Variants in TTC21A observed in about 807,000 individuals in gnomAD.
TTC21A encodes tetratricopeptide repeat domain 21A, also known as tetratricopeptide repeat protein 21A.
TTC21A carries 128 observed loss-of-function variants against 156.4 expected under a neutral mutation model. That is an observed-to-expected ratio of 0.82 (90% confidence interval 0.71 to 0.95). The LOEUF (loss-of-function observed/expected upper bound fraction) is 0.95. Among genes scored for constraint, TTC21A ranks in the 40% least tolerant of loss-of-function variants. The probability of loss-of-function intolerance (pLI) is 0.00; values close to 1 mark genes in which losing one functional copy is unlikely to be tolerated. For missense variants in TTC21A, 1,435 were observed against 1,602.3 expected, an observed-to-expected ratio of 0.90 and a Z score of 1.78; for synonymous variants, 587 against 617.1, an observed-to-expected ratio of 0.95 and a Z score of 0.72.
At chr3:39,125,832 C>T (rs1575533512) in intron 11 of TTC21A, among the ~76,000 whole-genome samples, 1 of 152,196 alleles carries the variant, frequency 6.6e-6, no homozygotes, top group Non-Finnish European at 1.5e-5. Flanking sequence ...AACAGGGCAC[C>T]GGCCCATGGC....
intron 9 of TTC21A, among the ~76,000 whole-genome samples, chr3:39,123,016 T>C (rs1241592146): frequency 2.0e-5 from 3 of 152,166 alleles, no homozygotes; most frequent in Non-Finnish European, 4.4e-5. Flanking sequence ...TCTGAAAGGT[T>C]GGCCGAGTGG....
At chr3:39,122,236 G>A (rs1575523829) in intron 9 of TTC21A, among the ~76,000 whole-genome samples, 1 of 151,914 alleles carries the variant, frequency 6.6e-6, no homozygotes, top group African/African-American at 2.4e-5. Flanking sequence ...ACTTGAACCC[G>A]GGAGATGGAG....
intron 12 of TTC21A, among the ~76,000 whole-genome samples, chr3:39,126,924 T>C (rs1355158251): frequency 6.6e-6 from 1 of 152,098 alleles, no homozygotes; most frequent in Non-Finnish European, 1.5e-5. Context: ...AGGGAGCACA[T>C]CGTATTTTTT....
At position 39,128,384 on chromosome 3, in the gene TTC21A, G is replaced by A. The variant is rs1022283264; in HGVS notation, c.1576G>A (p.Ala526Thr). The A allele has an allele frequency of 1.4e-5, 22 of 1,614,054 alleles. No individual in the cohort carries two copies. Among genetic ancestry groups the A allele is most frequent in the Non-Finnish European group, 1.7e-5 (20 of 1,180,022 alleles). Residue 526 changes from alanine to threonine, a missense_variant, in exon 13 of 29, where the codon GCC becomes ACC. Physicochemically the swap from Ala to Thr is moderately conservative, Grantham distance 58. Coordinates refer to ENST00000683103, the MANE Select transcript of TTC21A (RefSeq NM_001366900.1). ...ILQRCLELDP[A>T]SVDAHLLMCQ... ...GCAGCGTTGCCTGGAGCTGGACCCC[G>A]CCTCCGTGGATGCCCATCTCCTCAT... is the stretch of plus-strand genomic sequence containing the variant.
chr3:39,117,299 C>T (rs1035780731), intron 6 of TTC21A, among the ~76,000 whole-genome samples: 15 of 152,192 alleles, frequency 9.9e-5, no homozygotes, highest in African/African-American at 1.4e-4. Flanking sequence ...TTTTTCAATG[C>T]TGATTGTGTC....
At position 39,128,947 on chromosome 3, in the gene TTC21A, G is replaced by A; in HGVS notation, c.1896+15G>A. On this transcript the variant is annotated intron_variant, in intron 14 of 28. Coordinates refer to ENST00000683103, the MANE Select transcript of TTC21A (RefSeq NM_001366900.1). ...ATGGGGAGCTAGTAAGAAATGCCGT[G>A]CTCTCTTCCCTGGGGACTGGGGCAC... The A allele has an allele frequency of 6.2e-7, 1 of 1,613,912 alleles. No homozygotes were observed. Among genetic ancestry groups the A allele is most frequent in the South Asian group, 1.1e-5 (1 of 91,066 alleles).
At chr3:39,119,658 A>C (rs1303870970) in intron 7 of TTC21A, 1 of 297,146 alleles carries the variant, frequency 3.4e-6, no homozygotes, top group African/African-American at 2.2e-5. Flanking sequence ...AAAAAGAAAA[A>C]AAAAAAACAA....
intron 13 of TTC21A, 79 bp downstream of exon 13, chr3:39,128,567 G>T (rs2038457116): frequency 6.3e-7 from 1 of 1,594,150 alleles, no homozygotes; most frequent in Admixed American, 1.7e-5. Context: ...AGTAGCCCCA[G>T]GGGCTAGCTG....
In TTC21A at chr3:39,137,573, C is replaced by T. The variant is rs912054344; in HGVS notation, c.3538C>T (p.Leu1180=). The T allele has an allele frequency of 1.2e-6, 2 of 1,614,264 alleles. No homozygotes were observed. Among genetic ancestry groups the T allele is most frequent in the African/African-American group, 1.3e-5 (1 of 75,068 alleles). The part of the protein sequence containing the change: ...IPKARMQLKR[L]AKTPWVLSEA... ...CAAGGCGCGTATGCAGTTGAAGCGCCTGGCCAAGACCCCCTGGGTGCTGAG... is the reference window on the plus strand; with the variant it reads ...CAAGGCGCGTATGCAGTTGAAGCGCTTGGCCAAGACCCCCTGGGTGCTGAG... Residue 1180 remains leucine, a synonymous_variant, in exon 26 of 29, where the codon CTG becomes TTG. Coordinates refer to ENST00000683103, the MANE Select transcript of TTC21A (RefSeq NM_001366900.1).
intron 12 of TTC21A, among the ~76,000 whole-genome samples, chr3:39,127,744 G>C (rs2038387225): frequency 6.6e-6 from 1 of 152,200 alleles, no homozygotes. Context: ...TCAAGCCCCA[G>C]GGGGTTCAGA....
chr3:39,133,364 G>C, intron 20 of TTC21A, 124 bp downstream of exon 20: 1 of 977,210 alleles, frequency 1.0e-6, no homozygotes, highest in African/African-American at 1.6e-5. Flanking sequence ...CAGATATGAT[G>C]GGCATGGGAG....
At chr3:39,116,972 G>C (rs917511058) in intron 6 of TTC21A, among the ~76,000 whole-genome samples, 1 of 152,146 alleles carries the variant, frequency 6.6e-6, no homozygotes, top group African/African-American at 2.4e-5. Flanking sequence ...ATCCCAAAAT[G>C]CTAGGATTAC....
In TTC21A at chr3:39,137,502, C is replaced by T. The variant is rs2039220914; in HGVS notation, c.3467C>T (p.Ala1156Val). The part of the protein sequence containing the change: ...IAQAEKDSVP[A>V]LLALAQAYVF... ...GGTGTGTAGAAGGACAGCGTCCCTGCCCTGCTGGCCTTGGCACAAGCCTAC... is the reference window on the plus strand; with the variant it reads ...GGTGTGTAGAAGGACAGCGTCCCTGTCCTGCTGGCCTTGGCACAAGCCTAC... The change falls in exon 26 of 29, where the codon GCC becomes GTC. Residue 1156 changes from alanine to valine, a missense_variant. Coordinates refer to ENST00000683103, the MANE Select transcript of TTC21A (RefSeq NM_001366900.1). 6.2e-7 allele frequency: 1 copy of T among 1,614,102 alleles called. No individual in the cohort carries two copies. Among genetic ancestry groups the T allele is most frequent in the Non-Finnish European group, 8.5e-7 (1 of 1,180,046 alleles).
intron 23 of TTC21A, 121 bp from the exon 24 acceptor site, chr3:39,136,778 A>C: frequency 7.6e-7 from 1 of 1,319,168 alleles, no homozygotes; most frequent in Non-Finnish European, 1.0e-6. Context: ...CCTCCAGGGG[A>C]GCTGGGAAAC....
chr3:39,109,007 G>A (rs1166475394), intron 1 of TTC21A, 78 bp from the exon 2 acceptor site: 26 of 1,496,068 alleles, frequency 1.7e-5, no homozygotes, highest in Non-Finnish European at 2.0e-5. Flanking sequence ...AGGGAAGGGA[G>A]CAGGTCTCAT....
Position 39,133,139 on chromosome 3 carries a change from ATCTGCATCCAAT to A in TTC21A, c.2652_2663del (p.Cys885_Phe888del), listed in dbSNP as rs760663345. On this transcript the variant is annotated inframe_deletion, in exon 20 of 29. Coordinates refer to ENST00000683103, the MANE Select transcript of TTC21A (RefSeq NM_001366900.1). The stretch of plus-strand genomic sequence containing the variant: ...CTCCCAGAAGCAACTGGCAGCCTCT[ATCTGCATCCAAT>A]TTGCAGAGCACTACCTGGCAGAGAA... 135 of 1,614,110 alleles carry A rather than the reference ATCTGCATCCAAT, an allele frequency of 8.4e-5. No individual in the cohort carries two copies. The South Asian group carries it at 1.5e-3, about 18-fold the overall frequency.
In TTC21A at chr3:39,130,265, G is replaced by T. The variant is rs1559705693; in HGVS notation, c.2226G>T (p.Glu742Asp). 2 of 1,613,746 alleles carry T rather than the reference G, an allele frequency of 1.2e-6. No homozygotes were observed. The highest frequency in any genetic ancestry group is 8.5e-7 in the Non-Finnish European group (1 of 1,179,856). ...CCCACCAGCCCGAGAAGGCCCTGGAGGTCTATGATGAGGCCTATAGACAGA... is the reference window on the plus strand; with the variant it reads ...CCCACCAGCCCGAGAAGGCCCTGGATGTCTATGATGAGGCCTATAGACAGA... ...MSILEPEKAL[E>D]VYDEAYRQNP... The change falls in exon 17 of 29, where the codon GAG becomes GAT. Residue 742 changes from glutamate (E) to aspartate (D), a missense_variant. Physicochemically the swap from Glu to Asp is conservative, Grantham distance 45. Coordinates refer to ENST00000683103, the MANE Select transcript of TTC21A (RefSeq NM_001366900.1). The surrounding 1 kb of genome is among the most constrained non-coding windows in gnomAD (Gnocchi z 4.5).
rs778918306 is a variant in TTC21A at position 39,133,103 on chromosome 3, G to A, written c.2614G>A (p.Glu872Lys). The change falls in exon 20 of 29, where the codon GAA (glutamate) becomes AAA (lysine). Residue 872 changes from glutamate (E) to lysine (K), a missense_variant. Glu to Lys is a moderately conservative substitution (Grantham distance 56, BLOSUM62 1). Transcript: ENST00000683103. ...GAAGCGAGTTCCACTGGAGCAACCA[G>A]AAATGATTCCCTCCCAGAAGCAACT... Reference protein sequence around the residue: ...ILKRVPLEQPEMIPSQKQLAA... With the variant: ...ILKRVPLEQPKMIPSQKQLAA... The A allele has an allele frequency of 6.2e-6, 10 of 1,614,128 alleles. No homozygotes were observed. In the Admixed American group the frequency reaches 1.7e-4, roughly 27 times the overall value.
chr3:39,119,985 C>T lies in TTC21A; in HGVS notation c.865C>T (p.Leu289Phe). 6.2e-7 allele frequency: 1 copy of T among 1,609,382 alleles called. No homozygotes were observed. Among genetic ancestry groups the T allele is most frequent in the South Asian group, 1.1e-5 (1 of 90,998 alleles). The change falls in exon 8 of 29, where the codon CTC becomes TTC. Residue 289 changes from leucine (L) to phenylalanine (F), a missense_variant. Coordinates refer to ENST00000683103, the MANE Select transcript of TTC21A (RefSeq NM_001366900.1). ...GACAAGGGAACCCGAAAATCCAAGC[C>T]TCCATCTTAAAAAAATTATTGTGGT... is the stretch of plus-strand genomic sequence containing the variant. ...LETREPENPS[L>F]HLKKIIVVSR...
Sources: gnomAD v4.1 joint callset for allele counts (sites outside exome capture counted in the v4.1 genomes callset) on GRCh38, gnomAD v4.1.1 for gene constraint, Gnocchi (gnomAD v3.1) non-coding constraint, MANE v1.5 for transcripts, NCBI Gene and HGNC (gene_info 2026-07-23, HGNC 2026-07-21) for gene names.